Variants in PHC2 observed in about 807,000 individuals in gnomAD.
The protein encoded by PHC2 is polyhomeotic homolog 2.
PHC2 carries 29 observed loss-of-function variants against 87.4 expected under a neutral mutation model. The ratio of observed to expected loss-of-function variants is 0.33; its 90% CI spans 0.25 to 0.45. The LOEUF (loss-of-function observed/expected upper bound fraction) is 0.45. PHC2 is among the 20% of genes least tolerant of loss of function. The probability of loss-of-function intolerance (pLI) is 1.00; values close to 1 mark genes in which losing one functional copy is unlikely to be tolerated. For synonymous variants in PHC2, 438 were observed against 461.7 expected, an observed-to-expected ratio of 0.95 and a Z score of 0.66; for missense variants, 857 against 1,136.7, an observed-to-expected ratio of 0.75 and a Z score of 3.54.
At chr1:33,345,610 A>G in intron 9 of PHC2, 1 of 983,024 alleles carries the variant, frequency 1.0e-6, no homozygotes, top group Non-Finnish European at 1.2e-6. Context: ...TCCTTAGCAT[A>G]CTTTTTCTTC....
chr1:33,411,446 G>GT (rs377005454), intron 1 of PHC2, among the ~76,000 whole-genome samples: 1,875 of 145,612 alleles, frequency 0.013, 29 homozygotes, highest in African/African-American at 0.036. Flanking sequence ...GAACATCTCT[G>GT]TTTTTTGTTG....
intron 12 of PHC2, among the ~76,000 whole-genome samples, chr1:33,330,701 T>C (rs1570442422): frequency 6.6e-6 from 1 of 152,212 alleles, no homozygotes; most frequent in Non-Finnish European, 1.5e-5. Flanking sequence ...ATTTCAGGGC[T>C]TCAAGGTCAG....
chr1:33,349,756 G>A lies in PHC2; in HGVS notation c.1558+4645C>T. On this transcript the variant is annotated intron_variant, in intron 9 of 14. Transcript: ENST00000683057. This position sits in a 1 kb window ranked among gnomAD's most constrained non-coding sequence, Gnocchi z 4.2. ...TGCCGCGGCGCATCCGACCGCACCG[G>A]CCTGGCCGGCGTCAACAAAGGGCGG... 1 of 982,630 alleles carries A rather than the reference G, an allele frequency of 1.0e-6. No individual in the cohort carries two copies. The highest frequency in any genetic ancestry group is 1.2e-6 in the Non-Finnish European group (1 of 829,222). 60.9% of individuals were successfully genotyped at this position (982,630 alleles called of 1,614,324 possible).
chr1:33,340,107 T>C (rs1646715301), intron 9 of PHC2, among the ~76,000 whole-genome samples: 1 of 152,228 alleles, frequency 6.6e-6, no homozygotes, highest in Non-Finnish European at 1.5e-5. Context: ...AATGGCTGAT[T>C]TCCACCTTAT....
intron 1 of PHC2, among the ~76,000 whole-genome samples, chr1:33,425,723 C>T (rs1650641808): frequency 6.6e-6 from 1 of 152,166 alleles, no homozygotes; most frequent in East Asian, 1.9e-4. Context: ...ACTACAGTGC[C>T]TTATGGAGAC....
intron 9 of PHC2, among the ~76,000 whole-genome samples, chr1:33,341,601 C>A (rs192913325): frequency 1.3e-5 from 2 of 152,270 alleles, no homozygotes; most frequent in African/African-American, 4.8e-5. Flanking sequence ...TTCAGGAGGG[C>A]AAAACATGCT....
At chr1:33,329,870 G>A (rs766663134) in intron 13 of PHC2, among the ~76,000 whole-genome samples, 16 of 152,324 alleles carry the variant, frequency 1.1e-4, no homozygotes, top group Non-Finnish European at 2.1e-4. Flanking sequence ...GAAGGGGGCA[G>A]GGAACCTTGT....
intron 1 of PHC2, among the ~76,000 whole-genome samples, chr1:33,420,237 G>C (rs1425073946): frequency 1.3e-5 from 2 of 152,178 alleles, no homozygotes; most frequent in Non-Finnish European, 2.9e-5. Context: ...TCCCCAAACT[G>C]TAAGCATTGT....
chr1:33,360,397 T>C (rs1647175514), intron 7 of PHC2, among the ~76,000 whole-genome samples: 1 of 152,258 alleles, frequency 6.6e-6, no homozygotes, highest in African/African-American at 2.4e-5. Flanking sequence ...CAGGATAGCA[T>C]AAGTGGATAA....
In PHC2 at chr1:33,349,657, C is replaced by G; in HGVS notation, c.1558+4744G>C. ...CCTACGCAGCCCCTCGGCCGGGCGC[C>G]GACTCGCGCGGGGTCCCGGGCCCGG... On this transcript the variant is annotated intron_variant, in intron 9 of 14. Coordinates refer to ENST00000683057, the MANE Select transcript of PHC2 (RefSeq NM_001385109.1). This position sits in a 1 kb window ranked among gnomAD's most constrained non-coding sequence, Gnocchi z 4.2. 1.0e-6 allele frequency: 1 copy of G among 982,906 alleles called. No individual in the cohort carries two copies. The allele number at this position is 982,906 out of a possible 1,614,324, so 60.9% of individuals were successfully genotyped here. A position where few individuals can be genotyped will look rare whatever the true frequency, so the allele number is the denominator to read the frequency against.
In PHC2 at chr1:33,382,584, G is replaced by C. The variant is rs1255271386; in HGVS notation, c.-54-6991C>G. ...TTCTCTGGGTTCCTACTCACTGTGT[G>C]GTTTTGTATGAGCCCGGGCTCTGAA... On this transcript the variant is annotated intron_variant, in intron 1 of 14. Transcript: ENST00000683057. This position sits in a 1 kb window ranked among gnomAD's most constrained non-coding sequence, Gnocchi z 4.3. Among the ~76,000 whole-genome samples the C allele has an allele frequency of 6.6e-6, 1 of 152,116 alleles. No individual in the cohort carries two copies. The highest frequency in any genetic ancestry group is 1.9e-4 in the East Asian group (1 of 5,200).
At position 33,324,828 on chromosome 1, in the gene PHC2, G is replaced by T. The variant is rs781762028; in HGVS notation, c.*37C>A. The T allele has an allele frequency of 5.7e-6, 9 of 1,589,402 alleles. No homozygotes were observed. The highest frequency in any genetic ancestry group is 1.7e-5 in the Admixed American group (1 of 58,560). The stretch of plus-strand genomic sequence containing the variant: ...CTGTCTGGCTCTGCTCAGTCGGGAG[G>T]AGGCGCCCTGGGCCAGAATCCTGGC... On this transcript the variant is annotated 3_prime_UTR_variant, in exon 15 of 15. Coordinates refer to ENST00000683057, the MANE Select transcript of PHC2 (RefSeq NM_001385109.1).
rs1409623602 is a variant in PHC2, at chr1:33,364,123, CT to C, written c.976+2992del. Among the ~76,000 whole-genome samples the C allele has an allele frequency of 6.6e-6, 1 of 152,020 alleles. No individual in the cohort carries two copies. Among genetic ancestry groups the C allele is most frequent in the Non-Finnish European group, 1.5e-5 (1 of 67,990 alleles). The stretch of plus-strand genomic sequence containing the variant: ...CAGGGAGCTTGCCATGGGGGAGGGG[CT>C]TTGCCCCCAAACAGCTGTCAGTGGG... On this transcript the variant is annotated intron_variant, in intron 7 of 14. Transcript: ENST00000683057. This position sits in a 1 kb window ranked among gnomAD's most constrained non-coding sequence, Gnocchi z 4.1.
At chr1:33,407,920 A>G (rs1188521784) in intron 1 of PHC2, among the ~76,000 whole-genome samples, 1 of 152,168 alleles carries the variant, frequency 6.6e-6, no homozygotes, top group East Asian at 1.9e-4. Flanking sequence ...CATTCCTGAT[A>G]CCTGTGGTCA....
In PHC2 at chr1:33,331,006, A is replaced by G. The variant is rs1273007010; in HGVS notation, c.2006+342T>C. On this transcript the variant is annotated intron_variant, in intron 12 of 14. Transcript: ENST00000683057. This position sits in a 1 kb window ranked among gnomAD's most constrained non-coding sequence, Gnocchi z 5.2. ...ATCTATGCTGGGCGAGAGCTCACCA[A>G]GGGAACACTATAGCTGTGGTTCTGG... 2.6e-5 allele frequency among the ~76,000 whole-genome samples: 4 copies of G among 152,196 alleles called. No individual in the cohort carries two copies. Among genetic ancestry groups the G allele is most frequent in the Non-Finnish European group, 5.9e-5 (4 of 68,044 alleles).
intron 1 of PHC2, among the ~76,000 whole-genome samples, chr1:33,416,182 G>A (rs1483298850): frequency 6.6e-6 from 1 of 152,024 alleles, no homozygotes; most frequent in African/African-American, 2.4e-5. Flanking sequence ...GTGACTCCAA[G>A]GAACATCATA....
intron 9 of PHC2, chr1:33,346,086 T>TAG: frequency 1.0e-6 from 1 of 985,198 alleles, no homozygotes; most frequent in South Asian, 4.7e-5. Flanking sequence ...TCTTGAGGGG[T>TAG]AGTTCAGTTT....
At chr1:33,404,739 G>A (rs1447689901) in intron 1 of PHC2, among the ~76,000 whole-genome samples, 1 of 152,188 alleles carries the variant, frequency 6.6e-6, no homozygotes, top group Admixed American at 6.5e-5. Flanking sequence ...TGTCTGGAGT[G>A]GGGAGCAAAC....
intron 1 of PHC2, among the ~76,000 whole-genome samples, chr1:33,414,979 G>A (rs1650144590): frequency 6.6e-6 from 1 of 152,104 alleles, no homozygotes; most frequent in Non-Finnish European, 1.5e-5. Context: ...GAAAGAAATG[G>A]TTTTCATACA....
Sources: allele counts gnomAD v4.1 joint callset (sites outside exome capture counted in the v4.1 genomes callset), GRCh38; gene constraint gnomAD v4.1.1; non-coding constraint Gnocchi (gnomAD v3.1); transcripts MANE v1.5; gene names NCBI Gene and HGNC (gene_info 2026-07-23, HGNC 2026-07-21).